The following GTF2B variants were observed in gnomAD, a reference collection of about 807,000 sequenced individuals.
GTF2B encodes the protein transcription initiation factor IIB.
GTF2B carries 20 observed loss-of-function variants against 34.6 expected under a neutral mutation model. The observed-to-expected ratio is 0.58, with a 90% CI of 0.41 to 0.84. The LOEUF is 0.84. Among genes scored for constraint, GTF2B ranks in the 40% least tolerant of loss-of-function variants. GTF2B has a pLI of 0.00. For synonymous variants in GTF2B, 142 were observed against 132.4 expected (o/e 1.07, Z -0.50); for missense variants, 237 against 393.3 (o/e 0.60, Z 3.36).
intron 4 of GTF2B, 64 bp downstream of exon 4, chr1:88,860,076 T>C (rs1019216397): frequency 6.2e-7 from 1 of 1,610,442 alleles, no homozygotes; most frequent in African/African-American, 1.3e-5. Flanking sequence ...CAAAATTTCA[T>C]GTGTTCATTA....
At chr1:88,882,530 A>G (rs1392662511) in intron 2 of GTF2B, among the ~76,000 whole-genome samples, 1 of 149,896 alleles carries the variant, frequency 6.7e-6, no homozygotes, top group African/African-American at 2.5e-5. Flanking sequence ...GTGGGTCAAG[A>G]GGCAAAATTC....
chr1:88,885,424 AAGGGCAACAAG>A (rs994911469), intron 2 of GTF2B, among the ~76,000 whole-genome samples: 2 of 131,108 alleles, frequency 1.5e-5, no homozygotes, highest in African/African-American at 5.8e-5. Context: ...TGGGCAACAA[AAGGGCAACAAG>A]AGCGAAACTC....
intron 2 of GTF2B, among the ~76,000 whole-genome samples, chr1:88,886,923 A>ATT (rs201655833): frequency 6.8e-6 from 1 of 147,290 alleles, no homozygotes; most frequent in African/African-American, 2.7e-5. Context: ...TATTATTATT[A>ATT]TTATTTTTTT....
chr1:88,857,131 C>T, intron 6 of GTF2B, 75 bp downstream of exon 6: 6 of 1,363,914 alleles, frequency 4.4e-6, no homozygotes, highest in Non-Finnish European at 6.1e-6. Context: ...TTACCCGGTT[C>T]AGACTTAAAA....
intron 2 of GTF2B, among the ~76,000 whole-genome samples, chr1:88,884,672 T>A (rs1674023506): frequency 6.6e-6 from 1 of 152,234 alleles, no homozygotes; most frequent in Non-Finnish European, 1.5e-5. Flanking sequence ...TCTGTTGTGT[T>A]AAGATATTCT....
intron 2 of GTF2B, among the ~76,000 whole-genome samples, chr1:88,878,106 A>G (rs1048263990): frequency 6.6e-6 from 1 of 151,978 alleles, no homozygotes; most frequent in Non-Finnish European, 1.5e-5. Context: ...TCGTCTCTAC[A>G]AAAAAATACA....
At chr1:88,872,401 G>A (rs1673713931) in intron 2 of GTF2B, among the ~76,000 whole-genome samples, 1 of 125,158 alleles carries the variant, frequency 8.0e-6, no homozygotes, top group Admixed American at 1.1e-4. Flanking sequence ...GCAGTAAGCC[G>A]AGATCATGCC....
chr1:88,865,877 A>AAAAAAC (rs146788070), intron 2 of GTF2B, among the ~76,000 whole-genome samples: 22 of 150,478 alleles, frequency 1.5e-4, no homozygotes, highest in African/African-American at 5.2e-4. Context: ...AACAAACAAA[A>AAAAAAC]ATTAATCTCC....
At position 88,880,722 on chromosome 1, in the gene GTF2B, T is replaced by C. The variant is rs182959779; in HGVS notation, c.124+6539A>G. ...TGAGTACCTACAAAAATGTAGTAAG[T>C]GGGGCCTGGCGCAGTGGCTCACACC... On this transcript the variant is annotated intron_variant, in intron 2 of 6. Transcript: ENST00000370500. 7.1e-3 allele frequency among the ~76,000 whole-genome samples: 1,080 copies of C among 152,086 alleles called. 8 individuals carry two copies. Among genetic ancestry groups the C allele is most frequent in the Non-Finnish European group, 7.2e-3 (487 of 67,952 alleles).
intron 2 of GTF2B, among the ~76,000 whole-genome samples, chr1:88,864,862 A>T (rs1211327062): frequency 6.6e-6 from 1 of 151,976 alleles, no homozygotes; most frequent in Non-Finnish European, 1.5e-5. Flanking sequence ...GTTCTCACTT[A>T]ATCTTCACAG....
rs917432819 is a variant in GTF2B at position 88,857,219 on chromosome 1, C to T, written c.804G>A (p.Lys268=). ...IYMASQASAE[K]RTQKEIGDIA... ...GACGAACCCTACCTTTTTGGGTCCT[C>T]TTTTCAGCTGATGCCTGTGAGGCCA... is the stretch of plus-strand genomic sequence containing the variant. The change falls in exon 6 of 7, where the codon AAG becomes AAA. Residue 268 remains lysine (K), a synonymous_variant. Transcript: ENST00000370500. 4 of 1,609,656 alleles carry T rather than the reference C, an allele frequency of 2.5e-6. No individual in the cohort carries two copies. The highest frequency in any genetic ancestry group is 1.7e-5 in the Admixed American group (1 of 58,766).
intron 2 of GTF2B, among the ~76,000 whole-genome samples, chr1:88,878,165 G>C (rs1232721500): frequency 1.3e-5 from 2 of 152,146 alleles, no homozygotes; most frequent in African/African-American, 4.8e-5. Flanking sequence ...AGCTACTCAG[G>C]AGGCTAAGGT....
chr1:88,882,556 T>TA (rs58774406), intron 2 of GTF2B, among the ~76,000 whole-genome samples: 17,691 of 152,118 alleles, frequency 0.12, 2,475 homozygotes, highest in African/African-American at 0.33. Context: ...ATTAAGTAGG[T>TA]ACTTACATGT....
chr1:88,888,263 T>C (rs1674121262), intron 1 of GTF2B, among the ~76,000 whole-genome samples: 1 of 152,162 alleles, frequency 6.6e-6, no homozygotes, highest in African/African-American at 2.4e-5. Flanking sequence ...TGGTTTGGGG[T>C]AAAGTTTCTC....
chr1:88,890,254 GAAC>G (rs1241403829), intron 1 of GTF2B, among the ~76,000 whole-genome samples: 1 of 151,758 alleles, frequency 6.6e-6, no homozygotes, highest in East Asian at 1.9e-4. Context: ...TTACCCGACA[GAAC>G]AACACCCAGA....
intron 6 of GTF2B, among the ~76,000 whole-genome samples, chr1:88,855,814 C>T (rs111246120): frequency 0.012 from 1,777 of 152,204 alleles, 35 homozygotes; most frequent in African/African-American, 0.04. Context: ...CCACCACACC[C>T]GACTAATTTT....
At chr1:88,853,513 G>A (rs1365064489) in intron 6 of GTF2B, among the ~76,000 whole-genome samples, 167 bp from the exon 7 acceptor site, 1 of 152,066 alleles carries the variant, frequency 6.6e-6, no homozygotes, top group Non-Finnish European at 1.5e-5. Flanking sequence ...AAGGTAGAAA[G>A]CGGGAGCTAG....
In GTF2B at chr1:88,887,316, T is replaced by C. The variant is rs1330782316; in HGVS notation, c.69A>G (p.Leu23=). 2 of 1,612,884 alleles carry C rather than the reference T, an allele frequency of 1.2e-6. No homozygotes were observed. Among genetic ancestry groups the C allele is most frequent in the African/African-American group, 2.7e-5 (2 of 74,904 alleles). Residue 23 remains leucine (L), a synonymous_variant, in exon 2 of 7, where the codon TTA becomes TTG. Coordinates refer to ENST00000370500, the MANE Select transcript of GTF2B (RefSeq NM_001514.6). Reference sequence around the variant, plus strand: ...TATCACCGGCTCTGTAGTCCTCCACTAAAATCGCATCTGGATGGTTTGGAC... The same window carrying C: ...TATCACCGGCTCTGTAGTCCTCCACCAAAATCGCATCTGGATGGTTTGGAC... The part of the protein sequence containing the change: ...VTCPNHPDAI[L]VEDYRAGDMI...
At chr1:88,873,582 G>C (rs1006654595) in intron 2 of GTF2B, among the ~76,000 whole-genome samples, 2 of 152,118 alleles carry the variant, frequency 1.3e-5, no homozygotes, top group African/African-American at 4.8e-5. Context: ...AAACAAGATA[G>C]AAGTTTCTCA....
Sources: allele counts gnomAD v4.1 joint callset (sites outside exome capture counted in the v4.1 genomes callset), GRCh38; gene constraint gnomAD v4.1.1; transcripts MANE v1.5; gene names NCBI Gene and HGNC (gene_info 2026-07-23, HGNC 2026-07-21).